ATP2B2: variants seen among roughly 807,000 people sequenced by gnomAD.
The protein encoded by ATP2B2 is ATPase plasma membrane Ca2+ transporting 2.
Under a neutral mutation model 120.0 loss-of-function variants are expected in ATP2B2, and 15 were observed. That is an observed-to-expected ratio of 0.12 (90% confidence interval 0.08 to 0.19). ATP2B2 has a LOEUF of 0.19. Ranked by LOEUF, ATP2B2 falls within the 10% of genes least tolerant of loss-of-function variation. ATP2B2 has a pLI of 1.00. For synonymous variants in ATP2B2, 694 were observed against 700.3 expected (o/e 0.99, Z 0.14); for missense variants, 1,045 against 1,719.8 (o/e 0.61, Z 6.94).
chr3:10,422,620 T>C (rs2063021302), intron 2 of ATP2B2, among the ~76,000 whole-genome samples: 1 of 152,242 alleles, frequency 6.6e-6, no homozygotes. Flanking sequence ...ATAGCAGACC[T>C]GACATCTAGA....
At chr3:10,405,027 G>A (rs72624423) in intron 3 of ATP2B2, among the ~76,000 whole-genome samples, 13,663 of 152,202 alleles carry the variant, frequency 0.09, 733 homozygotes, top group East Asian at 0.28. Context: ...ACAAGCTTTC[G>A]GGTTCTGGAA....
At position 10,402,021 on chromosome 3, in the gene ATP2B2, A is replaced by T; in HGVS notation, c.655+70T>A. Reference sequence around the variant, plus strand: ...CCCTTCCTTGAGCCAATCTCTTTGCATCAGCCTGGCCTGTCCCACCTCTGC... The same window carrying T: ...CCCTTCCTTGAGCCAATCTCTTTGCTTCAGCCTGGCCTGTCCCACCTCTGC... On this transcript the variant is annotated intron_variant, in intron 4 of 22. Coordinates refer to ENST00000360273, the MANE Select transcript of ATP2B2 (RefSeq NM_001001331.4). This position sits in a 1 kb window ranked among gnomAD's most constrained non-coding sequence, Gnocchi z 4.9. 6.2e-7 allele frequency: 1 copy of T among 1,603,204 alleles called. No individual in the cohort carries two copies. Among genetic ancestry groups the T allele is most frequent in the South Asian group, 1.1e-5 (1 of 90,818 alleles).
chr3:10,683,955 A>T (rs2071455299), intron 1 of ATP2B2, among the ~76,000 whole-genome samples: 1 of 151,562 alleles, frequency 6.6e-6, no homozygotes, highest in African/African-American at 2.4e-5. Flanking sequence ...TATAATCTTT[A>T]TTAGACTACC....
intron 1 of ATP2B2, among the ~76,000 whole-genome samples, chr3:10,692,052 G>C (rs2071672398): frequency 6.6e-6 from 1 of 152,208 alleles, no homozygotes; most frequent in African/African-American, 2.4e-5. Context: ...ATTTTACTGG[G>C]TTTGAGAAAG....
intron 5 of ATP2B2, among the ~76,000 whole-genome samples, chr3:10,388,669 G>A (rs907477684): frequency 2.0e-5 from 3 of 152,098 alleles, no homozygotes; most frequent in Non-Finnish European, 4.4e-5. Flanking sequence ...ACCTGCCCTG[G>A]AGGGTCACTT....
chr3:10,405,155 T>C (rs2062365770), intron 3 of ATP2B2, among the ~76,000 whole-genome samples: 1 of 152,218 alleles, frequency 6.6e-6, no homozygotes, highest in Non-Finnish European at 1.5e-5. Context: ...ATTTGTGAGC[T>C]AAGGGCCTGG....
chr3:10,331,162 G>C (rs1057484202), intron 22 of ATP2B2, among the ~76,000 whole-genome samples: 7 of 152,188 alleles, frequency 4.6e-5, no homozygotes, highest in Non-Finnish European at 8.8e-5. Flanking sequence ...CCTTTATGCT[G>C]GTGCTCCATC....
intron 2 of ATP2B2, among the ~76,000 whole-genome samples, chr3:10,561,760 T>A (rs1046961386): frequency 6.6e-6 from 1 of 152,224 alleles, no homozygotes; most frequent in Non-Finnish European, 1.5e-5. Context: ...CCTGTCACCA[T>A]GTGAGACGTG....
intron 2 of ATP2B2, among the ~76,000 whole-genome samples, chr3:10,590,432 T>A (rs920613025): frequency 1.1e-4 from 16 of 152,180 alleles, no homozygotes; most frequent in Admixed American, 2.6e-4. Context: ...TTCTTAATTT[T>A]AAAAAATAGA....
Position 10,402,774 on chromosome 3 carries a change from C to T in ATP2B2, c.398-426G>A, listed in dbSNP as rs376163403. Among the ~76,000 whole-genome samples the T allele has an allele frequency of 5.3e-5, 8 of 152,126 alleles. No homozygotes were observed. Among genetic ancestry groups the T allele is most frequent in the African/African-American group, 1.4e-4 (6 of 41,418 alleles). On this transcript the variant is annotated intron_variant, in intron 3 of 22. Coordinates refer to ENST00000360273, the MANE Select transcript of ATP2B2 (RefSeq NM_001001331.4). The surrounding 1 kb of genome is among the most constrained non-coding windows in gnomAD (Gnocchi z 4.9). Reference sequence around the variant, plus strand: ...ATCTGGGTAAGAATATTCTCTATCTCGGGGACCTATTGTCAGAGTTGAAAT... The same window carrying T: ...ATCTGGGTAAGAATATTCTCTATCTTGGGGACCTATTGTCAGAGTTGAAAT...
At chr3:10,613,862 C>T (rs568239071) in intron 2 of ATP2B2, among the ~76,000 whole-genome samples, 2 of 152,204 alleles carry the variant, frequency 1.3e-5, no homozygotes, top group South Asian at 4.2e-4. Context: ...TCACCTAGCT[C>T]TCTGACCTCA....
chr3:10,537,483 C>T (rs548089062), intron 2 of ATP2B2, among the ~76,000 whole-genome samples: 11 of 151,948 alleles, frequency 7.2e-5, no homozygotes, highest in African/African-American at 2.4e-4. Context: ...TTGGTGTCCA[C>T]GTATCCATTG....
intron 2 of ATP2B2, among the ~76,000 whole-genome samples, chr3:10,431,861 CT>C (rs1444013766): frequency 1.3e-5 from 2 of 152,144 alleles, no homozygotes; most frequent in Non-Finnish European, 1.5e-5. Flanking sequence ...GGCTGGCACC[CT>C]GAAACCCCAC....
chr3:10,568,730 C>T (rs1252704233), intron 2 of ATP2B2, among the ~76,000 whole-genome samples: 1 of 152,178 alleles, frequency 6.6e-6, no homozygotes, highest in African/African-American at 2.4e-5. Context: ...ATGCTTTTCC[C>T]AATGTGTTCC....
rs2061463406 is a variant in ATP2B2, at chr3:10,379,228, A to C, written c.1042+15T>G. On this transcript the variant is annotated intron_variant, in intron 9 of 22. Transcript: ENST00000360273. The stretch of plus-strand genomic sequence containing the variant: ...CCTCAGGGACGACAAACGCCGGTTA[A>C]AACAAAAGGGTTACCTTTGCTCTGG... The C allele has an allele frequency of 2.5e-6, 4 of 1,613,798 alleles. No homozygotes were observed. The highest frequency in any genetic ancestry group is 3.4e-6 in the Non-Finnish European group (4 of 1,179,812).
intron 2 of ATP2B2, among the ~76,000 whole-genome samples, chr3:10,604,737 A>G (rs1171910212): frequency 6.6e-6 from 1 of 152,174 alleles, no homozygotes; most frequent in Non-Finnish European, 1.5e-5. Context: ...CTTCATATTA[A>G]TAATTGCATG....
chr3:10,527,920 G>T (rs1553626412), intron 3 of ATP2B2, among the ~76,000 whole-genome samples: 1 of 152,042 alleles, frequency 6.6e-6, no homozygotes, highest in Non-Finnish European at 1.5e-5. Context: ...CAGCAGGGCT[G>T]CCTCCCTTTC....
At chr3:10,612,550 T>C (rs76472654) in intron 2 of ATP2B2, among the ~76,000 whole-genome samples, 6,245 of 152,234 alleles carry the variant, frequency 0.041, 199 homozygotes, top group South Asian at 0.083. Context: ...CTTCAAGGCA[T>C]AGCTGTGAGC....
At chr3:10,462,640 T>C (rs2064541390) in intron 1 of ATP2B2, among the ~76,000 whole-genome samples, 2 of 152,202 alleles carry the variant, frequency 1.3e-5, no homozygotes, top group Non-Finnish European at 2.9e-5. Flanking sequence ...AAAATAACAT[T>C]ACGCTCAAGC....
Sources: allele counts gnomAD v4.1 joint callset (sites outside exome capture counted in the v4.1 genomes callset), GRCh38; gene constraint gnomAD v4.1.1; non-coding constraint Gnocchi (gnomAD v3.1); transcripts MANE v1.5; gene names NCBI Gene and HGNC (gene_info 2026-07-23, HGNC 2026-07-21).